Variants in DRC8 observed in about 807,000 individuals in gnomAD.
DRC8 encodes the protein dynein regulatory complex subunit 8.
At chr1:245,102,300 A>G in the DRC8 span, among the ~76,000 whole-genome samples, 9,607 of 152,184 alleles carry the variant, frequency 0.063, 463 homozygotes, top group African/African-American at 0.13. Flanking sequence ...GAACCTCTGA[A>G]TCCATTGTAA....
the DRC8 span, among the ~76,000 whole-genome samples, chr1:245,077,482 A>G: frequency 8.5e-5 from 13 of 152,250 alleles, no homozygotes; most frequent in Non-Finnish European, 1.6e-4. Context: ...TTATGTTACA[A>G]AGCAAAAGTA....
the DRC8 span, among the ~76,000 whole-genome samples, chr1:245,063,283 C>T: frequency 0.074 from 11,295 of 152,108 alleles, 483 homozygotes; most frequent in African/African-American, 0.095. Context: ...AGGGTCCTTG[C>T]CAGAGTGTTA....
chr1:245,064,134 A>G, the DRC8 span, among the ~76,000 whole-genome samples: 1 of 152,240 alleles, frequency 6.6e-6, no homozygotes, highest in East Asian at 1.9e-4. Flanking sequence ...GTCCAGTAGA[A>G]TATGACCAAA....
chr1:245,069,411 G>A, the DRC8 span, among the ~76,000 whole-genome samples: 1 of 152,124 alleles, frequency 6.6e-6, no homozygotes, highest in African/African-American at 2.4e-5. Context: ...GAGTAGGCTG[G>A]GGAGGACGAG....
chr1:244,996,013 TACCCCC>T, the DRC8 span, among the ~76,000 whole-genome samples: 1 of 152,226 alleles, frequency 6.6e-6, no homozygotes, highest in Non-Finnish European at 1.5e-5. Context: ...GGTAACAAAT[TACCCCC>T]AAAACTTAGT....
At chr1:245,069,800 G>A in the DRC8 span, among the ~76,000 whole-genome samples, 12 of 152,318 alleles carry the variant, frequency 7.9e-5, no homozygotes, top group Non-Finnish European at 1.5e-4. Flanking sequence ...TCAGCTACTC[G>A]GGAGGCTGAG....
chr1:245,060,530 A>C, the DRC8 span, among the ~76,000 whole-genome samples: 1 of 152,226 alleles, frequency 6.6e-6, no homozygotes, highest in Non-Finnish European at 1.5e-5. Flanking sequence ...GGATTCAATA[A>C]AGCTATTTTT....
chr1:245,082,920 G>T, the DRC8 span, among the ~76,000 whole-genome samples: 1 of 152,146 alleles, frequency 6.6e-6, no homozygotes, highest in Admixed American at 6.5e-5. Flanking sequence ...TGTTGGCCAG[G>T]CTGGTCTCGA....
the DRC8 span, among the ~76,000 whole-genome samples, chr1:245,108,563 G>A: frequency 6.6e-5 from 10 of 151,992 alleles, no homozygotes; most frequent in African/African-American, 2.4e-4. Context: ...ATTCATCCCC[G>A]TGACCCCAGC....
the DRC8 span, among the ~76,000 whole-genome samples, chr1:245,083,069 T>A: frequency 6.6e-6 from 1 of 152,216 alleles, no homozygotes; most frequent in South Asian, 2.1e-4. Flanking sequence ...CAGGTACTGG[T>A]GCCAGTCCCT....
At chr1:245,044,020 G>A in the DRC8 span, 7 of 152,252 alleles carry the variant, frequency 4.6e-5, no homozygotes, top group South Asian at 1.4e-3. Context: ...TTTGTGAAGC[G>A]TTCCATATTT....
chr1:245,094,421 T>G, the DRC8 span, among the ~76,000 whole-genome samples: 1 of 152,304 alleles, frequency 6.6e-6, no homozygotes. Flanking sequence ...GTTGGCCACC[T>G]GTACGGTTAG....
the DRC8 span, among the ~76,000 whole-genome samples, chr1:245,053,748 G>T: frequency 6.6e-6 from 1 of 152,218 alleles, no homozygotes; most frequent in East Asian, 1.9e-4. Context: ...GTTTTCTGGG[G>T]TCTACCCGGG....
At chr1:245,076,972 A>AC in the DRC8 span, among the ~76,000 whole-genome samples, 1 of 151,996 alleles carries the variant, frequency 6.6e-6, no homozygotes, top group Non-Finnish European at 1.5e-5. Context: ...TGATCCGCCC[A>AC]CCTTAGCCTC....
the DRC8 span, among the ~76,000 whole-genome samples, chr1:245,011,315 T>C: frequency 2.7e-4 from 41 of 152,214 alleles, no homozygotes; most frequent in Non-Finnish European, 5.7e-4. Flanking sequence ...TTGATATTGA[T>C]AAGCAATCAT....
the DRC8 span, among the ~76,000 whole-genome samples, chr1:245,068,700 C>G: frequency 1.3e-5 from 2 of 151,964 alleles, no homozygotes; most frequent in Admixed American, 1.3e-4. Context: ...CCTCAGCCTC[C>G]CAAAGTGCAG....
the DRC8 span, among the ~76,000 whole-genome samples, chr1:244,990,099 G>A: frequency 2.6e-3 from 398 of 152,276 alleles, no homozygotes; most frequent in Middle Eastern, 0.01. Flanking sequence ...ATCTCCCAAG[G>A]CAGGTGCTCT....
At chr1:245,093,984 A>G in the DRC8 span, among the ~76,000 whole-genome samples, 2 of 152,008 alleles carry the variant, frequency 1.3e-5, no homozygotes, top group Non-Finnish European at 1.5e-5. Context: ...TGAGTATTGC[A>G]TGACTTTAAA....
the DRC8 span, among the ~76,000 whole-genome samples, chr1:245,104,365 G>T: frequency 1.3e-5 from 2 of 152,084 alleles, no homozygotes; most frequent in Non-Finnish European, 2.9e-5. Flanking sequence ...GCAGCCGGGT[G>T]TGGTGGCGCA....
Sources: gnomAD v4.1 joint callset for allele counts (sites outside exome capture counted in the v4.1 genomes callset) on GRCh38, gnomAD v4.1.1 for gene constraint, MANE v1.5 for transcripts, NCBI Gene and HGNC (gene_info 2026-07-23, HGNC 2026-07-21) for gene names.